PKD2L1: variants seen among roughly 807,000 people sequenced by gnomAD.
The protein encoded by PKD2L1 is polycystin-2-like protein 1.
In PKD2L1, 77 loss-of-function variants were observed where a neutral mutation model predicts 93.0. That is an observed-to-expected ratio of 0.83 (90% confidence interval 0.69 to 1.00). The LOEUF (loss-of-function observed/expected upper bound fraction) is 1.00. Ranked by LOEUF, PKD2L1 falls within the 50% of genes least tolerant of loss-of-function variation. PKD2L1 has a pLI of 0.00. For missense variants in PKD2L1, 977 were observed against 990.9 expected (o/e 0.99, Z 0.19); for synonymous variants, 390 against 388.0 (o/e 1.01, Z -0.06).
intron 2 of PKD2L1, among the ~76,000 whole-genome samples, chr10:100,315,003 GAAGGAAGGA>G (rs1238789683): frequency 1.8e-4 from 2 of 10,816 alleles, no homozygotes; most frequent in Non-Finnish European, 2.8e-4. Flanking sequence ...AGGAAGGAAG[GAAGGAAGGA>G]AGGGAAGGGA....
At chr10:100,318,525 T>TC (rs1433015706) in intron 2 of PKD2L1, among the ~76,000 whole-genome samples, 1 of 151,586 alleles carries the variant, frequency 6.6e-6, no homozygotes, top group African/African-American at 2.4e-5. Flanking sequence ...TCTTTTCTTT[T>TC]TTTTTTTTTT....
At chr10:100,292,737 G>A (rs921429786) in intron 11 of PKD2L1, among the ~76,000 whole-genome samples, 1 of 152,166 alleles carries the variant, frequency 6.6e-6, no homozygotes, top group Non-Finnish European at 1.5e-5. Flanking sequence ...ACAAGATCCA[G>A]GATGTTATAA....
chr10:100,288,933 G>A lies in PKD2L1; in HGVS notation c.2335+39C>T, dbSNP rs368888801. ...GGGGCCTGTGCGGAGGCAGAGGGAG[G>A]GAAGCCTGCTGTCTGATGCTTTAGG... is the stretch of plus-strand genomic sequence containing the variant. On this transcript the variant is annotated intron_variant, in intron 15 of 15. Transcript: ENST00000318222. 4.3e-6 allele frequency: 6 copies of A among 1,382,052 alleles called. No homozygotes were observed. In the African/African-American group the frequency reaches 8.8e-5, roughly 20 times the overall value. 85.6% of individuals were successfully genotyped at this position (1,382,052 alleles called of 1,614,324 possible). A position where few individuals can be genotyped will look rare whatever the true frequency, so the allele number is the denominator to read the frequency against.
intron 11 of PKD2L1, 33 bp downstream of exon 11, chr10:100,292,915 T>C: frequency 6.2e-7 from 1 of 1,604,238 alleles, no homozygotes; most frequent in Non-Finnish European, 8.5e-7. Context: ...TAAGAGACTG[T>C]TATTAGAGAA....
intron 2 of PKD2L1, among the ~76,000 whole-genome samples, chr10:100,315,341 G>T (rs1849078532): frequency 6.6e-6 from 1 of 152,084 alleles, no homozygotes; most frequent in South Asian, 2.1e-4. Context: ...CATGTGCCAT[G>T]GTGGTTTGCT....
intron 2 of PKD2L1, among the ~76,000 whole-genome samples, chr10:100,317,376 C>A (rs1554919804): frequency 6.6e-6 from 1 of 150,456 alleles, no homozygotes; most frequent in Non-Finnish European, 1.5e-5. Flanking sequence ...CCTGTCTTTA[C>A]AAAAAAACAA....
In PKD2L1 at chr10:100,298,831, G is replaced by C. The variant is rs201064124; in HGVS notation, c.478-16C>G. 212 of 1,602,984 alleles carry C rather than the reference G, an allele frequency of 1.3e-4. No individual in the cohort carries two copies. In the African/African-American group the frequency reaches 2.2e-3, roughly 17 times the overall value. ...CCTGGGCAAACTGAACCACAAGCTG[G>C]CTTGAACCTTACCCAGCCTCCTCCT... On this transcript the variant is annotated splice_polypyrimidine_tract_variant and intron_variant, in intron 3 of 15. Transcript: ENST00000318222.
At position 100,330,012 on chromosome 10, in the gene PKD2L1, G is replaced by T. The variant is rs1488619713; in HGVS notation, c.92C>A (p.Pro31Gln). 1 of 1,613,778 alleles carries T rather than the reference G, an allele frequency of 6.2e-7. No individual in the cohort carries two copies. Among genetic ancestry groups the T allele is most frequent in the East Asian group, 2.2e-5 (1 of 44,866 alleles). ...GGTGCAGACTCTCAGCGTCCCGTGTGGGGAAGGGGGACCACTGTAGGCGGG... is the reference window on the plus strand; with the variant it reads ...GGTGCAGACTCTCAGCGTCCCGTGTTGGGAAGGGGGACCACTGTAGGCGGG... The part of the protein sequence containing the change: ...DNPAYSGPPS[P>Q]HGTLRVCTIS... The change falls in exon 1 of 16, where the codon CCA becomes CAA. Residue 31 changes from proline (P) to glutamine (Q), a missense_variant. Physicochemically the swap from Pro to Gln is moderately conservative, Grantham distance 76. Coordinates refer to ENST00000318222, the MANE Select transcript of PKD2L1 (RefSeq NM_016112.3).
rs1564880344 is a variant in PKD2L1, at chr10:100,293,375, ATGTTC to A, written c.1660-1_1663del. ...TGTGTCATTGATGATGGCCAGGAAC[ATGTTC>A]TGGAAAATGAAGTGGGGACCTGGGT... On this transcript the variant is annotated splice_acceptor_variant and coding_sequence_variant, in exon 10 of 16. Coordinates refer to ENST00000318222, the MANE Select transcript of PKD2L1 (RefSeq NM_016112.3). LOFTEE classifies it high-confidence loss of function. 5 of 1,609,004 alleles carry A rather than the reference ATGTTC, an allele frequency of 3.1e-6. No homozygotes were observed. The South Asian group carries it at 5.5e-5, about 18-fold the overall frequency.
Position 100,307,460 on chromosome 10 carries a change from A to G in PKD2L1, c.350-7742T>C, listed in dbSNP as rs923324672. Among the ~76,000 whole-genome samples the G allele has an allele frequency of 3.9e-5, 6 of 152,222 alleles. No homozygotes were observed. In the South Asian group the frequency reaches 1.2e-3, roughly 32 times the overall value. ...ATCACTTGAGCCCGGGAATTCATAG[A>G]GCAGCATGGGCAAAACTGGGAGACC... On this transcript the variant is annotated intron_variant, in intron 2 of 15. Coordinates refer to ENST00000318222, the MANE Select transcript of PKD2L1 (RefSeq NM_016112.3).
Position 100,303,476 on chromosome 10 carries a change from G to A in PKD2L1, c.350-3758C>T, listed in dbSNP as rs1848732598. On this transcript the variant is annotated intron_variant, in intron 2 of 15. Coordinates refer to ENST00000318222, the MANE Select transcript of PKD2L1 (RefSeq NM_016112.3). ...TGGGATTACAGGCATGAGCCACCGC[G>A]CCCGGCCCACATCAAACATTTTAAA... Among the ~76,000 whole-genome samples the A allele has an allele frequency of 3.3e-5, 5 of 152,076 alleles. No homozygotes were observed. The South Asian group carries it at 1.0e-3, about 31-fold the overall frequency.
intron 2 of PKD2L1, among the ~76,000 whole-genome samples, chr10:100,304,978 T>C (rs1848764986): frequency 6.6e-6 from 1 of 152,220 alleles, no homozygotes. Flanking sequence ...TAATACCTTT[T>C]AGGCAACTCA....
rs1376511095 is a variant in PKD2L1 at position 100,321,782 on chromosome 10, G to A, written c.349+7429C>T. ...AGGGAGGGAGGGAGGGAGGGAGGGA[G>A]GGAGGGAGGGAGGGAGGGAGGGAGG... is the stretch of plus-strand genomic sequence containing the variant. On this transcript the variant is annotated intron_variant, in intron 2 of 15. Coordinates refer to ENST00000318222, the MANE Select transcript of PKD2L1 (RefSeq NM_016112.3). Among the ~76,000 whole-genome samples the A allele has an allele frequency of 4.4e-4, 3 of 6,778 alleles. 1 individual carries two copies. The highest frequency in any genetic ancestry group is 2.0e-3 in the African/African-American group (3 of 1,476). The allele number at this position is 6,778 out of a possible 152,430, so 4.4% of individuals were successfully genotyped here.
At chr10:100,311,630 A>G (rs888045851) in intron 2 of PKD2L1, among the ~76,000 whole-genome samples, 3 of 152,110 alleles carry the variant, frequency 2.0e-5, no homozygotes, top group Non-Finnish European at 4.4e-5. Context: ...TTCCCAGGTG[A>G]TTGCCATATA....
chr10:100,314,965 AG>A (rs1849036258), intron 2 of PKD2L1, among the ~76,000 whole-genome samples: 1 of 30,432 alleles, frequency 3.3e-5, no homozygotes, highest in African/African-American at 1.0e-4. Context: ...GAAAGAAAGA[AG>A]GAAGGAAGGA....
At chr10:100,322,609 G>A (rs1177786755) in intron 2 of PKD2L1, among the ~76,000 whole-genome samples, 2 of 152,212 alleles carry the variant, frequency 1.3e-5, no homozygotes, top group African/African-American at 4.8e-5. Context: ...TAATGTAGTG[G>A]TAGCCAACTA....
chr10:100,316,216 A>T (rs574361462), intron 2 of PKD2L1, among the ~76,000 whole-genome samples: 5 of 152,178 alleles, frequency 3.3e-5, no homozygotes, highest in Non-Finnish European at 7.3e-5. Flanking sequence ...TTTGTTGCCC[A>T]GGCTGGTGTG....
Position 100,288,243 on chromosome 10 carries a change from C to A in PKD2L1, c.*153G>T. 1 of 641,816 alleles carries A rather than the reference C, an allele frequency of 1.6e-6. No individual in the cohort carries two copies. Among genetic ancestry groups the A allele is most frequent in the Admixed American group, 2.4e-5 (1 of 42,084 alleles). 39.8% of individuals were successfully genotyped at this position (641,816 alleles called of 1,614,324 possible). A position where few individuals can be genotyped will look rare whatever the true frequency, so the allele number is the denominator to read the frequency against. ...ACCCACCACATATTAATTCAAAGAT[C>A]TCTGAATCCTGAGTTCATTTCCTTG... On this transcript the variant is annotated 3_prime_UTR_variant, in exon 16 of 16. Coordinates refer to ENST00000318222, the MANE Select transcript of PKD2L1 (RefSeq NM_016112.3).
chr10:100,321,621 T>A (rs1849229400), intron 2 of PKD2L1, among the ~76,000 whole-genome samples: 1 of 130,086 alleles, frequency 7.7e-6, no homozygotes, highest in African/African-American at 3.1e-5. Context: ...TGTAGTGAGC[T>A]GAAATCGTGC....
Sources: allele counts gnomAD v4.1 joint callset (sites outside exome capture counted in the v4.1 genomes callset), GRCh38; gene constraint gnomAD v4.1.1; transcripts MANE v1.5; gene names NCBI Gene and HGNC (gene_info 2026-07-23, HGNC 2026-07-21).